Variants in MSH5 observed in about 807,000 individuals in gnomAD.
MSH5 encodes the protein mutS protein homolog 5.
Under a neutral mutation model 107.7 loss-of-function variants are expected in MSH5, and 78 were observed. That is an observed-to-expected ratio of 0.72 (90% CI 0.60 to 0.87). The LOEUF (loss-of-function observed/expected upper bound fraction) is 0.87. Ranked by LOEUF, MSH5 falls within the 40% of genes least tolerant of loss-of-function variation. MSH5 has a pLI of 0.00. For synonymous variants in MSH5, 326 were observed against 399.5 expected (o/e 0.82, Z 2.19); for missense variants, 889 against 1,046.6 (o/e 0.85, Z 2.08).
At chr6:31,743,354 C>A in intron 5 of MSH5, 184 bp downstream of exon 5, 1 of 647,304 alleles carries the variant, frequency 1.5e-6, no homozygotes. Context: ...TAACCTGCAG[C>A]TTATTGGGAA....
At chr6:31,744,107 G>A (rs1448962398) in intron 6 of MSH5, 82 bp downstream of exon 6, 6 of 1,596,464 alleles carry the variant, frequency 3.8e-6, no homozygotes, top group Non-Finnish European at 5.1e-6. Context: ...GCCTAGCCCT[G>A]GAAAATAGTA....
intron 3 of MSH5, among the ~76,000 whole-genome samples, chr6:31,742,344 G>A (rs1371691548): frequency 2.6e-5 from 4 of 152,220 alleles, no homozygotes; most frequent in South Asian, 4.1e-4. Context: ...TGCAACCTCC[G>A]TCTCCCGGAT....
chr6:31,745,414 T>A, intron 9 of MSH5, 95 bp downstream of exon 9: 1 of 834,878 alleles, frequency 1.2e-6, no homozygotes, highest in Non-Finnish European at 2.0e-6. Context: ...CCCACTTCAC[T>A]CCCATTGTCA....
Position 31,759,581 on chromosome 6 carries a change from G to T in MSH5, c.1495+69G>T. On this transcript the variant is annotated intron_variant, in intron 17 of 24. Coordinates refer to ENST00000375750, the MANE Select transcript of MSH5 (RefSeq NM_172166.4). The surrounding 1 kb of genome is among the most constrained non-coding windows in gnomAD (Gnocchi z 4.7). Reference sequence around the variant, plus strand: ...AAAAGCAGCAGCCAGGGGAAGGAGGGGAGTGGGCAACTTGGGGATGCTTCC... The same window carrying T: ...AAAAGCAGCAGCCAGGGGAAGGAGGTGAGTGGGCAACTTGGGGATGCTTCC... 2.0e-6 allele frequency: 3 copies of T among 1,520,296 alleles called. No individual in the cohort carries two copies. The highest frequency in any genetic ancestry group is 3.5e-5 in the Admixed American group (2 of 57,274). 94.2% of individuals were successfully genotyped at this position (1,520,296 alleles called of 1,614,324 possible).
Position 31,759,531 on chromosome 6 carries a change from T to A in MSH5, c.1495+19T>A. ...ATCCGGGGTGAGGAAAAGCCAGAGG[T>A]TATATGCATTGTAAGATGTTTAAAA... On this transcript the variant is annotated intron_variant, in intron 17 of 24. Coordinates refer to ENST00000375750, the MANE Select transcript of MSH5 (RefSeq NM_172166.4). The surrounding 1 kb of genome is among the most constrained non-coding windows in gnomAD (Gnocchi z 4.7). 1 of 1,611,032 alleles carries A rather than the reference T, an allele frequency of 6.2e-7. No individual in the cohort carries two copies. The highest frequency in any genetic ancestry group is 8.5e-7 in the Non-Finnish European group (1 of 1,179,344).
intron 12 of MSH5, chr6:31,757,871 T>C: frequency 4.2e-6 from 2 of 475,548 alleles, no homozygotes; most frequent in Non-Finnish European, 7.4e-6. Flanking sequence ...GGTTTCACCA[T>C]GTTGGTGAGG....
intron 24 of MSH5, 93 bp from the exon 25 acceptor site, chr6:31,762,327 A>T (rs967038798): frequency 1.8e-5 from 25 of 1,355,324 alleles, no homozygotes; most frequent in Non-Finnish European, 2.6e-5. Flanking sequence ...AATCTTCAAG[A>T]TCCCAGGTTT....
At chr6:31,743,756 AT>A (rs1809132439) in intron 5 of MSH5, 147 bp from the exon 6 acceptor site, 1 of 1,062,172 alleles carries the variant, frequency 9.4e-7, no homozygotes, top group Non-Finnish European at 1.4e-6. Context: ...GAGTCTGAAA[AT>A]TTGGTTCTTG....
chr6:31,754,753 C>CT (rs71552080), intron 12 of MSH5, among the ~76,000 whole-genome samples: 10,209 of 135,350 alleles, frequency 0.075, 558 homozygotes, highest in African/African-American at 0.13. Flanking sequence ...TTTCTTTTTT[C>CT]TTTTTTTTTT....
intron 10 of MSH5, 156 bp from the exon 11 acceptor site, chr6:31,753,145 A>T (rs1810113174): frequency 2.3e-6 from 2 of 872,772 alleles, no homozygotes; most frequent in South Asian, 3.6e-5. Flanking sequence ...AACACACCTG[A>T]ATGGGTAGGA....
At chr6:31,752,568 C>A (rs1290106584) in intron 10 of MSH5, among the ~76,000 whole-genome samples, 3 of 151,294 alleles carry the variant, frequency 2.0e-5, no homozygotes, top group African/African-American at 7.3e-5. Context: ...AAAAATACAA[C>A]AATTAGCTGG....
rs1377597004 is a variant in MSH5 at position 31,759,768 on chromosome 6, T to C, written c.1496-18T>C. On this transcript the variant is annotated intron_variant, in intron 17 of 24. Coordinates refer to ENST00000375750, the MANE Select transcript of MSH5 (RefSeq NM_172166.4). The surrounding 1 kb of genome is among the most constrained non-coding windows in gnomAD (Gnocchi z 4.7). Reference sequence around the variant, plus strand: ...CCCCTGGAACTGACCTCCAGCTCCCTTCCTCACCCACTCCCAGACCAGGAG... The same window carrying C: ...CCCCTGGAACTGACCTCCAGCTCCCCTCCTCACCCACTCCCAGACCAGGAG... 6.2e-7 allele frequency: 1 copy of C among 1,610,700 alleles called. No individual in the cohort carries two copies. The highest frequency in any genetic ancestry group is 1.3e-5 in the African/African-American group (1 of 75,058).
Position 31,758,791 on chromosome 6 carries a change from C to A in MSH5, c.1242C>A (p.Pro414=). 6.2e-7 allele frequency: 1 copy of A among 1,614,194 alleles called. No homozygotes were observed. Among genetic ancestry groups the A allele is most frequent in the East Asian group, 2.2e-5 (1 of 44,884 alleles). Residue 414 remains proline, a synonymous_variant, in exon 15 of 25, where the codon CCC becomes CCA. Transcript: ENST00000375750. The surrounding 1 kb of genome is among the most constrained non-coding windows in gnomAD (Gnocchi z 5.1). Reference sequence around the variant, plus strand: ...AAAAGCGAAGACTGATGGGACTTCCCAGTTTCCTTACTGAGGTTGCCCGCA... The same window carrying A: ...AAAAGCGAAGACTGATGGGACTTCCAAGTTTCCTTACTGAGGTTGCCCGCA... ...DEKKRRLMGL[P]SFLTEVARKE...
rs372407992 is a variant in MSH5, at chr6:31,742,350, C to T, written c.272-527C>T. On this transcript the variant is annotated intron_variant, in intron 3 of 24. Coordinates refer to ENST00000375750, the MANE Select transcript of MSH5 (RefSeq NM_172166.4). ...TTGGCTCACTGCAACCTCCGTCTCCCGGATTCAAGCAATTCTCCTGCCTCA... is the reference window on the plus strand; with the variant it reads ...TTGGCTCACTGCAACCTCCGTCTCCTGGATTCAAGCAATTCTCCTGCCTCA... 3.3e-5 allele frequency among the ~76,000 whole-genome samples: 5 copies of T among 152,232 alleles called. No individual in the cohort carries two copies. In the East Asian group the frequency reaches 5.8e-4, roughly 18 times the overall value.
intron 10 of MSH5, among the ~76,000 whole-genome samples, 155 bp downstream of exon 10, chr6:31,747,587 C>T (rs1581526366): frequency 6.6e-6 from 1 of 152,324 alleles, no homozygotes; most frequent in South Asian, 2.1e-4. Context: ...TGGCTAACTG[C>T]ATTTCATCCT....
chr6:31,743,158 A>G lies in MSH5; in HGVS notation c.403A>G (p.Ser135Gly). 6.2e-7 allele frequency: 1 copy of G among 1,612,872 alleles called. No individual in the cohort carries two copies. Among genetic ancestry groups the G allele is most frequent in the Non-Finnish European group, 8.5e-7 (1 of 1,179,910 alleles). Reference sequence around the variant, plus strand: ...AAGACCTGAAATCATATTTTTGCCAAGTGTGGATTTTGGTATCTCCTTCCT... The same window carrying G: ...AAGACCTGAAATCATATTTTTGCCAGGTGTGGATTTTGGTATCTCCTTCCT... ...PKRPEIIFLPSVDFGLEISKQ... is the reference protein window; with the variant it reads ...PKRPEIIFLPGVDFGLEISKQ... The change falls in exon 5 of 25, where the codon AGT becomes GGT. Residue 135 changes from serine (S) to glycine (G), a missense_variant. By Grantham distance (56) the Ser-to-Gly change is moderately conservative. This residue lies in a region of MSH5 where 518 missense variants were observed against 565.0 expected (regional missense o/e 0.92). Coordinates refer to ENST00000375750, the MANE Select transcript of MSH5 (RefSeq NM_172166.4).
chr6:31,744,403 G>A, intron 7 of MSH5, 104 bp downstream of exon 7: 2 of 1,545,600 alleles, frequency 1.3e-6, no homozygotes, highest in Non-Finnish European at 1.8e-6. Flanking sequence ...AGTGGGTCAA[G>A]TGCTCTAGGA....
rs746959342 is a variant in MSH5, at chr6:31,741,281, A to G, written c.266A>G (p.Gln89Arg). The G allele has an allele frequency of 8.7e-6, 14 of 1,612,314 alleles. No individual in the cohort carries two copies. The highest frequency in any genetic ancestry group is 1.2e-5 in the Non-Finnish European group (14 of 1,179,788). ...APDHESLKLLQRVLDEINPQS... is the reference protein window; with the variant it reads ...APDHESLKLLRRVLDEINPQS... ...GACCACGAGAGCCTCAAGCTTCTCC[A>G]GAGAGGTGGGGATGGAACCATGAAT... The change falls in exon 3 of 25, where the codon CAG becomes CGG. Residue 89 changes from glutamine to arginine, a missense_variant. Physicochemically the swap from Gln to Arg is conservative, Grantham distance 43 (BLOSUM62 1). Transcript: ENST00000375750.
In MSH5 at chr6:31,744,197, C is replaced by G. The variant is rs780879911; in HGVS notation, c.545C>G (p.Ala182Gly). ...IPFDCLLTVR[A>G]LGGLLKFLGR... ...CTGCTGATCCCCTCCCAGGTTCGAG[C>G]ACTTGGAGGGCTGCTGAAGTTCCTG... The change falls in exon 7 of 25, where the codon GCA (alanine) becomes GGA (glycine). Residue 182 changes from alanine (A) to glycine (G), a missense_variant. By Grantham distance (60) the Ala-to-Gly change is moderately conservative. This residue lies in a region of MSH5 where 518 missense variants were observed against 565.0 expected (regional missense o/e 0.92). Coordinates refer to ENST00000375750, the MANE Select transcript of MSH5 (RefSeq NM_172166.4). 1.9e-6 allele frequency: 3 copies of G among 1,611,672 alleles called. No individual in the cohort carries two copies. Among genetic ancestry groups the G allele is most frequent in the East Asian group, 4.5e-5 (2 of 44,884 alleles).
Sources: allele counts gnomAD v4.1 joint callset (sites outside exome capture counted in the v4.1 genomes callset), GRCh38; gene constraint gnomAD v4.1.1; regional missense constraint gnomAD v4.1.1; non-coding constraint Gnocchi (gnomAD v3.1); transcripts MANE v1.5; gene names NCBI Gene and HGNC (gene_info 2026-07-23, HGNC 2026-07-21).